Variants in CA1 observed in about 807,000 individuals in gnomAD.
The protein encoded by CA1 is carbonic anhydrase 1.
Under a neutral mutation model 28.8 loss-of-function variants are expected in CA1, and 27 were observed. The ratio of observed to expected loss-of-function variants is 0.94; its 90% CI spans 0.69 to 1.29. CA1 has a LOEUF of 1.29. CA1 is among the 50% of genes most tolerant of loss of function. The probability of loss-of-function intolerance (pLI) is 0.00; values close to 1 mark genes in which losing one functional copy is unlikely to be tolerated. For synonymous variants in CA1, 121 were observed against 108.8 expected (o/e 1.11, Z -0.70); for missense variants, 335 against 310.5 (o/e 1.08, Z -0.59).
intron 6 of CA1, among the ~76,000 whole-genome samples, chr8:85,330,312 C>T (rs560213308): frequency 1.8e-3 from 270 of 152,144 alleles, no homozygotes; most frequent in African/African-American, 6.3e-3. Context: ...AGGAAATATA[C>T]TGATATTTGT....
At chr8:85,331,704 C>T (rs921276849) in intron 6 of CA1, among the ~76,000 whole-genome samples, 4 of 152,024 alleles carry the variant, frequency 2.6e-5, no homozygotes, top group Non-Finnish European at 5.9e-5. Flanking sequence ...GCAATCTACC[C>T]GCCTCGGCCT....
chr8:85,377,732 GGCAGAGGTT>G (rs1753787450), intron 1 of CA1, among the ~76,000 whole-genome samples: 1 of 152,134 alleles, frequency 6.6e-6, no homozygotes, highest in South Asian at 2.1e-4. Context: ...GAACCTGGGA[GGCAGAGGTT>G]GCAGTTAGCA....
intron 1 of CA1, among the ~76,000 whole-genome samples, chr8:85,364,059 T>C (rs746972711): frequency 6.6e-6 from 1 of 152,188 alleles, no homozygotes; most frequent in Non-Finnish European, 1.5e-5. Context: ...CAGGCTGGTC[T>C]TGAGCTCCTG....
chr8:85,334,526 A>G (rs928094989), intron 4 of CA1, among the ~76,000 whole-genome samples: 2 of 151,944 alleles, frequency 1.3e-5, no homozygotes, highest in East Asian at 1.9e-4. Context: ...AACCACCACA[A>G]ATCAAAACAG....
intron 1 of CA1, among the ~76,000 whole-genome samples, chr8:85,341,995 A>G (rs1337032611): frequency 6.6e-6 from 1 of 152,156 alleles, no homozygotes; most frequent in African/African-American, 2.4e-5. Flanking sequence ...CTAAATGAAA[A>G]ATACTTTGTA....
chr8:85,338,209 G>A (rs2130186515), intron 3 of CA1, 43 bp downstream of exon 3: 1 of 1,509,308 alleles, frequency 6.6e-7, no homozygotes, highest in Non-Finnish European at 9.2e-7. Flanking sequence ...AATTTTCCCA[G>A]TAGACTGTAA....
At chr8:85,367,784 A>G (rs1321484591) in intron 1 of CA1, among the ~76,000 whole-genome samples, 2 of 152,226 alleles carry the variant, frequency 1.3e-5, no homozygotes, top group African/African-American at 4.8e-5. Context: ...AGAAGCAAGA[A>G]TAGGAATAAA....
chr8:85,373,405 T>G (rs1196099067), intron 1 of CA1: 1 of 152,128 alleles, frequency 6.6e-6, no homozygotes, highest in Non-Finnish European at 1.5e-5. Context: ...ATCACAATGC[T>G]TACATCATTC....
chr8:85,340,616 A>AT (rs575387644), intron 2 of CA1, among the ~76,000 whole-genome samples: 66 of 152,232 alleles, frequency 4.3e-4, no homozygotes, highest in African/African-American at 8.7e-4. Context: ...ATAGATAATA[A>AT]TTTTTTTTAT....
At position 85,354,942 on chromosome 8, in the gene CA1, A is replaced by G. The variant is rs191440741; in HGVS notation, c.-24-13283T>C. ...CATCTGGAGCAACTCAGCTTTCTGG[A>G]CCTTAGCCCCAGTCTTCCAATCTAG... On this transcript the variant is annotated intron_variant, in intron 1 of 7. Coordinates refer to ENST00000523022, the MANE Select transcript of CA1 (RefSeq NM_001128831.4). 4.3e-4 allele frequency among the ~76,000 whole-genome samples: 66 copies of G among 152,200 alleles called. 1 individual carries two copies. Among genetic ancestry groups the G allele is most frequent in the African/African-American group, 1.6e-3 (65 of 41,520 alleles).
At chr8:85,344,035 CAAG>C (rs1809028397) in intron 1 of CA1, among the ~76,000 whole-genome samples, 1 of 144,830 alleles carries the variant, frequency 6.9e-6, no homozygotes, top group Non-Finnish European at 1.5e-5. Flanking sequence ...TTTTGCCTAC[CAAG>C]AAGGAGTTTA....
At chr8:85,357,380 G>A (rs577985620) in intron 1 of CA1, among the ~76,000 whole-genome samples, 2 of 152,210 alleles carry the variant, frequency 1.3e-5, no homozygotes, top group Admixed American at 1.3e-4. Flanking sequence ...ATTTATTGTG[G>A]AAATTATTTC....
intron 6 of CA1, 146 bp from the exon 7 acceptor site, chr8:85,329,990 G>A (rs1808336919): frequency 1.4e-6 from 1 of 692,862 alleles, no homozygotes; most frequent in Non-Finnish European, 2.5e-6. Flanking sequence ...AGTATTTCAT[G>A]ACTGGCGTGT....
At chr8:85,332,441 T>C in intron 6 of CA1, 49 bp downstream of exon 6, 1 of 1,379,464 alleles carries the variant, frequency 7.2e-7, no homozygotes, top group South Asian at 1.2e-5. Flanking sequence ...TTTCCATAGA[T>C]CTGTAAATTC....
chr8:85,340,071 C>T (rs78030391), intron 2 of CA1, among the ~76,000 whole-genome samples: 169 of 152,324 alleles, frequency 1.1e-3, no homozygotes, highest in African/African-American at 3.8e-3. Flanking sequence ...AAGGTGACTA[C>T]ACTAAACAAC....
chr8:85,333,980 G>T (rs1311857400), intron 4 of CA1, among the ~76,000 whole-genome samples: 1 of 152,146 alleles, frequency 6.6e-6, no homozygotes. Flanking sequence ...GTACTTTATA[G>T]TAAATTTATG....
In CA1 at chr8:85,338,719, T is replaced by C. The variant is rs866594025; in HGVS notation, c.38-270A>G. ...CTCTCTCTCTTTCTTTCTCTCTCTT[T>C]TTTTTTTTTTTTTTGACAGAGTCTT... On this transcript the variant is annotated intron_variant, in intron 2 of 7. Coordinates refer to ENST00000523022, the MANE Select transcript of CA1 (RefSeq NM_001128831.4). 3.3e-3 allele frequency among the ~76,000 whole-genome samples: 467 copies of C among 140,000 alleles called. 22 individuals are homozygous for C. Among genetic ancestry groups the C allele is most frequent in the African/African-American group, 0.011 (397 of 35,440 alleles). The allele number at this position is 140,000 out of a possible 152,430, so 91.8% of individuals were successfully genotyped here. A position where few individuals can be genotyped will look rare whatever the true frequency, so the allele number is the denominator to read the frequency against.
intron 3 of CA1, 153 bp from the exon 4 acceptor site, chr8:85,337,216 A>T: frequency 1.5e-6 from 1 of 671,980 alleles, no homozygotes; most frequent in Non-Finnish European, 2.7e-6. Flanking sequence ...CACATCCATG[A>T]GGATGACAGT....
chr8:85,374,205 AT>A (rs1320811679), intron 1 of CA1, among the ~76,000 whole-genome samples: 1 of 152,198 alleles, frequency 6.6e-6, no homozygotes, highest in African/African-American at 2.4e-5. Context: ...AATATCAAAA[AT>A]ATCACAAAAT....
Sources: gnomAD v4.1 joint callset for allele counts (sites outside exome capture counted in the v4.1 genomes callset) on GRCh38, gnomAD v4.1.1 for gene constraint, MANE v1.5 for transcripts, NCBI Gene and HGNC (gene_info 2026-07-23, HGNC 2026-07-21) for gene names.